NUDCD1: variants seen among roughly 807,000 people sequenced by gnomAD.
The protein encoded by NUDCD1 is nudC domain-containing protein 1.
NUDCD1 carries 60 observed loss-of-function variants against 67.8 expected under a neutral mutation model. That is an observed-to-expected ratio of 0.88 (90% CI 0.72 to 1.10). NUDCD1 has a LOEUF of 1.10. Ranked by LOEUF, NUDCD1 falls within the 50% of genes least tolerant of loss-of-function variation. The probability of loss-of-function intolerance (pLI) is 0.00; values close to 1 mark genes in which losing one functional copy is unlikely to be tolerated. For synonymous variants in NUDCD1, 244 were observed against 230.8 expected, an observed-to-expected ratio of 1.06 and a Z score of -0.52; for missense variants, 643 against 695.0, an observed-to-expected ratio of 0.93 and a Z score of 0.84.
rs1367873007 is a variant in NUDCD1, at chr8:109,241,058, T to C, written c.*1951A>G. ...TATATATCTCAATGTTCTAAGTATA[T>C]GTACCTTAGAACATTGTTTAAATGT... is the stretch of plus-strand genomic sequence containing the variant. On this transcript the variant is annotated 3_prime_UTR_variant, in exon 10 of 10. Coordinates refer to ENST00000239690, the MANE Select transcript of NUDCD1 (RefSeq NM_032869.4). 1.3e-5 allele frequency: 2 copies of C among 152,174 alleles called. No homozygotes were observed. Among genetic ancestry groups the C allele is most frequent in the African/African-American group, 4.8e-5 (2 of 41,464 alleles). The allele number at this position is 152,174 out of a possible 1,614,324, so 9.4% of individuals were successfully genotyped here.
At position 109,311,559 on chromosome 8, in the gene NUDCD1, G is replaced by GTGTGTATATATATATATATATA; in HGVS notation, c.273+10749_273+10750insTATATATATATATATATACACA. On this transcript the variant is annotated intron_variant, in intron 2 of 9. Transcript: ENST00000239690. ...AATGAGTGGATAAAGAAACTGTGGTGTATATATATATATGATGGGATACTG... is the reference window on the plus strand; with the variant it reads ...AATGAGTGGATAAAGAAACTGTGGTGTGTGTATATATATATATATATATATATATATATATGATGGGATACTG... 4.0e-3 allele frequency among the ~76,000 whole-genome samples: 495 copies of GTGTGTATATATATATATATATA among 125,092 alleles called. 29 individuals carry two copies. The highest frequency in any genetic ancestry group is 0.01 in the South Asian group (33 of 3,234). 82.1% of individuals were successfully genotyped at this position (125,092 alleles called of 152,430 possible). A position where few individuals can be genotyped will look rare whatever the true frequency, so the allele number is the denominator to read the frequency against.
intron 5 of NUDCD1, among the ~76,000 whole-genome samples, chr8:109,282,225 G>A (rs1415732203): frequency 1.3e-5 from 2 of 152,146 alleles, no homozygotes; most frequent in Non-Finnish European, 2.9e-5. Flanking sequence ...TGCAATCCAA[G>A]AATCAGCCCA....
chr8:109,252,362 C>A (rs539778345), intron 8 of NUDCD1, among the ~76,000 whole-genome samples: 5 of 152,074 alleles, frequency 3.3e-5, no homozygotes, highest in African/African-American at 1.2e-4. Context: ...TTTTCTTTAT[C>A]TTTTCCTCTA....
At chr8:109,271,827 A>T (rs1814163756) in intron 7 of NUDCD1, among the ~76,000 whole-genome samples, 1 of 152,186 alleles carries the variant, frequency 6.6e-6, no homozygotes, top group Non-Finnish European at 1.5e-5. Context: ...ACAAAGATGT[A>T]AAAGACAGCT....
In NUDCD1 at chr8:109,316,710, C is replaced by A. The variant is rs139352169; in HGVS notation, c.273+5599G>T. Among the ~76,000 whole-genome samples the A allele has an allele frequency of 9.7e-3, 1,478 of 152,168 alleles. 8 individuals are homozygous for A. Among genetic ancestry groups the A allele is most frequent in the Middle Eastern group, 0.024 (7 of 294 alleles). On this transcript the variant is annotated intron_variant, in intron 2 of 9. Coordinates refer to ENST00000239690, the MANE Select transcript of NUDCD1 (RefSeq NM_032869.4). Reference sequence around the variant, plus strand: ...AAATAAGTGTAGTATTCTTCTGTATCCCAGGTACAAAATTTCTTAATACCT... The same window carrying A: ...AAATAAGTGTAGTATTCTTCTGTATACCAGGTACAAAATTTCTTAATACCT...
intron 9 of NUDCD1, among the ~76,000 whole-genome samples, chr8:109,244,437 T>C (rs1413848225): frequency 2.6e-5 from 4 of 152,042 alleles, no homozygotes; most frequent in African/African-American, 9.7e-5. Context: ...AATTAAAAAA[T>C]AGCATTATAG....
At chr8:109,299,218 T>C (rs1055734574) in intron 2 of NUDCD1, among the ~76,000 whole-genome samples, 6 of 152,152 alleles carry the variant, frequency 3.9e-5, no homozygotes, top group African/African-American at 1.4e-4. Context: ...AGCTGAACTT[T>C]GTAACACTTT....
intron 3 of NUDCD1, among the ~76,000 whole-genome samples, chr8:109,295,979 T>C (rs1814832527): frequency 6.6e-6 from 1 of 152,178 alleles, no homozygotes; most frequent in African/African-American, 2.4e-5. Flanking sequence ...GAGAATATTC[T>C]GGTAATCTGA....
At chr8:109,296,330 G>T in intron 3 of NUDCD1, 54 bp downstream of exon 3, 1 of 1,341,816 alleles carries the variant, frequency 7.5e-7, no homozygotes, top group East Asian at 2.3e-5. Context: ...AATAAGTAGG[G>T]TGTAATTTAC....
intron 2 of NUDCD1, among the ~76,000 whole-genome samples, chr8:109,321,779 T>C (rs981958882): frequency 6.6e-6 from 1 of 152,024 alleles, no homozygotes; most frequent in African/African-American, 2.4e-5. Context: ...AGAAAAAGCA[T>C]ATAAGAAGAA....
chr8:109,286,824 G>C (rs1047954730), intron 5 of NUDCD1, among the ~76,000 whole-genome samples: 2 of 151,620 alleles, frequency 1.3e-5, no homozygotes, highest in African/African-American at 4.8e-5. Flanking sequence ...AAGAAACTAT[G>C]AGTAAACAAA....
intron 8 of NUDCD1, among the ~76,000 whole-genome samples, chr8:109,261,707 C>T (rs1336101789): frequency 6.6e-6 from 1 of 151,916 alleles, no homozygotes. Flanking sequence ...TGTTTATTTT[C>T]ATTTACATTA....
chr8:109,300,719 C>T (rs1310394000), intron 2 of NUDCD1, among the ~76,000 whole-genome samples: 1 of 152,118 alleles, frequency 6.6e-6, no homozygotes, highest in Non-Finnish European at 1.5e-5. Flanking sequence ...TGCTAGATAC[C>T]TAGACATCCA....
chr8:109,296,195 G>T (rs1292555151), intron 3 of NUDCD1, among the ~76,000 whole-genome samples, 189 bp downstream of exon 3: 1 of 152,180 alleles, frequency 6.6e-6, no homozygotes, highest in Non-Finnish European at 1.5e-5. Flanking sequence ...CAAAACAGGA[G>T]TGGTTAATGT....
chr8:109,250,616 T>C (rs908322885), intron 8 of NUDCD1, among the ~76,000 whole-genome samples: 24 of 152,230 alleles, frequency 1.6e-4, no homozygotes, highest in Non-Finnish European at 4.4e-5. Context: ...GTGTTAACTC[T>C]AGGGTTTCTG....
intron 2 of NUDCD1, among the ~76,000 whole-genome samples, chr8:109,320,104 T>A (rs540710980): frequency 1.3e-5 from 2 of 152,324 alleles, no homozygotes; most frequent in East Asian, 3.9e-4. Context: ...ACCACAGGAC[T>A]GGGGCGAAAT....
At chr8:109,327,690 C>T (rs1232172897) in intron 1 of NUDCD1, among the ~76,000 whole-genome samples, 1 of 152,164 alleles carries the variant, frequency 6.6e-6, no homozygotes, top group East Asian at 1.9e-4. Context: ...CCTTTTCTCC[C>T]ATTCAAGGCT....
At chr8:109,323,907 C>G (rs1563685896) in intron 1 of NUDCD1, among the ~76,000 whole-genome samples, 1 of 151,998 alleles carries the variant, frequency 6.6e-6, no homozygotes, top group African/African-American at 2.4e-5. Flanking sequence ...ACTCCTATCT[C>G]TCATCATATG....
chr8:109,311,662 T>C (rs1195841603), intron 2 of NUDCD1, among the ~76,000 whole-genome samples: 1 of 151,300 alleles, frequency 6.6e-6, no homozygotes, highest in Non-Finnish European at 1.5e-5. Context: ...CTAAGTGAAG[T>C]AACTCAGGAA....
Sources: gnomAD v4.1 joint callset for allele counts (sites outside exome capture counted in the v4.1 genomes callset) on GRCh38, gnomAD v4.1.1 for gene constraint, MANE v1.5 for transcripts, NCBI Gene and HGNC (gene_info 2026-07-23, HGNC 2026-07-21) for gene names.